The following MTHFS variants were observed in gnomAD, a reference collection of about 807,000 sequenced individuals.
The protein encoded by MTHFS is 5-formyltetrahydrofolate cyclo-ligase.
MTHFS carries 7 observed loss-of-function variants against 12.7 expected under a neutral mutation model. The observed-to-expected ratio is 0.55, with a 90% CI of 0.31 to 1.03. MTHFS has a LOEUF of 1.03. MTHFS is among the 50% of genes least tolerant of loss of function. MTHFS has a pLI of 0.05. For synonymous variants in MTHFS, 100 were observed against 97.1 expected, an observed-to-expected ratio of 1.03 and a Z score of -0.18; for missense variants, 252 against 258.1, an observed-to-expected ratio of 0.98 and a Z score of 0.16.
At chr15:79,850,140 C>T (rs892635150) in intron 2 of MTHFS, among the ~76,000 whole-genome samples, 1 of 152,232 alleles carries the variant, frequency 6.6e-6, no homozygotes, top group Non-Finnish European at 1.5e-5. Context: ...TATCTGTTCA[C>T]AACAATTGTA....
At chr15:79,853,676 A>G (rs557852119) in intron 2 of MTHFS, among the ~76,000 whole-genome samples, 1 of 152,328 alleles carries the variant, frequency 6.6e-6, no homozygotes, top group Middle Eastern at 3.4e-3. Flanking sequence ...GGGTGGGCCT[A>G]GCTCTCTACT....
intron 2 of MTHFS, chr15:79,877,852 T>C (rs1042185011): frequency 2.1e-5 from 3 of 142,430 alleles, no homozygotes; most frequent in Admixed American, 7.0e-5. Flanking sequence ...AAGAATAACA[T>C]TGAACATGCT....
At chr15:79,885,259 A>T (rs1318851145) in intron 2 of MTHFS, among the ~76,000 whole-genome samples, 4 of 152,202 alleles carry the variant, frequency 2.6e-5, no homozygotes, top group African/African-American at 9.7e-5. Flanking sequence ...TTATTTGAGG[A>T]CTAGAAAGTC....
At position 79,882,037 on chromosome 15, in the gene MTHFS, G is replaced by A. The variant is rs79467865; in HGVS notation, c.379+7056C>T. Among the ~76,000 whole-genome samples the A allele has an allele frequency of 3.5e-3, 537 of 152,344 alleles. 2 individuals carry two copies. Among genetic ancestry groups the A allele is most frequent in the African/African-American group, 0.012 (493 of 41,574 alleles). On this transcript the variant is annotated intron_variant, in intron 2 of 2. Transcript: ENST00000258874. ...AAATGCCTACAATGGCATGTGCGAT[G>A]TGCAAAAGCACATTCCAAAATTACA...
At chr15:79,896,275 G>A (rs1442984665) in intron 1 of MTHFS, among the ~76,000 whole-genome samples, 8 of 152,192 alleles carry the variant, frequency 5.3e-5, no homozygotes, top group African/African-American at 1.9e-4. Context: ...CTAGGCCCTG[G>A]AGCTACTGAG....
chr15:79,854,065 G>A (rs971914821), intron 2 of MTHFS, among the ~76,000 whole-genome samples: 4 of 152,092 alleles, frequency 2.6e-5, no homozygotes, highest in Non-Finnish European at 2.9e-5. Context: ...AGTGAAGTGT[G>A]GAAGCTCTTT....
intron 2 of MTHFS, among the ~76,000 whole-genome samples, chr15:79,864,407 T>C (rs1245798246): frequency 1.3e-5 from 2 of 151,594 alleles, no homozygotes; most frequent in African/African-American, 4.9e-5. Context: ...TAGCCAAGTG[T>C]GGTGGTACGC....
chr15:79,847,278 G>A (rs1192235932), intron 2 of MTHFS, among the ~76,000 whole-genome samples: 1 of 152,190 alleles, frequency 6.6e-6, no homozygotes, highest in African/African-American at 2.4e-5. Context: ...AGTAGCAGAA[G>A]ACATGAGTGT....
chr15:79,863,848 C>A (rs2033959252), intron 2 of MTHFS, among the ~76,000 whole-genome samples: 1 of 152,218 alleles, frequency 6.6e-6, no homozygotes, highest in Non-Finnish European at 1.5e-5. Context: ...TCCCAGACTT[C>A]TTTTCCAAGC....
intron 2 of MTHFS, among the ~76,000 whole-genome samples, chr15:79,869,014 GC>G (rs1332639296): frequency 3.9e-5 from 6 of 152,094 alleles, no homozygotes; most frequent in Admixed American, 3.3e-4. Flanking sequence ...AGTGTTGGTA[GC>G]TTATTTGATA....
chr15:79,896,719 T>G (rs923514970), intron 1 of MTHFS, 153 bp downstream of exon 1: 2 of 926,646 alleles, frequency 2.2e-6, no homozygotes, highest in South Asian at 4.4e-5. Flanking sequence ...CTAGGGGGCG[T>G]GCGCGCGCCG....
upstream of MTHFS, chr15:79,897,021 G>T: frequency 6.7e-7 from 1 of 1,491,538 alleles, no homozygotes; most frequent in South Asian, 1.3e-5. Flanking sequence ...TCCCGCCCTC[G>T]GCGCCCTGGG....
rs576984102 is a variant in MTHFS, at chr15:79,857,146, C to A, written c.380-11704G>T. On this transcript the variant is annotated intron_variant, in intron 2 of 2. Coordinates refer to ENST00000258874, the MANE Select transcript of MTHFS (RefSeq NM_006441.4). ...AAGTAGCTGGGATTACAGGCATGCACCACCACGCCCAGCTAATTTTTATAT... is the reference window on the plus strand; with the variant it reads ...AAGTAGCTGGGATTACAGGCATGCAACACCACGCCCAGCTAATTTTTATAT... 8.5e-5 allele frequency among the ~76,000 whole-genome samples: 13 copies of A among 152,154 alleles called. No individual in the cohort carries two copies. The East Asian group carries it at 2.5e-3, about 29-fold the overall frequency.
At chr15:79,865,236 A>G (rs1566991124) in intron 2 of MTHFS, among the ~76,000 whole-genome samples, 1 of 152,228 alleles carries the variant, frequency 6.6e-6, no homozygotes, top group Non-Finnish European at 1.5e-5. Flanking sequence ...TTATTTAAAT[A>G]TAAGTCTTAA....
At chr15:79,854,596 G>T (rs1335022579) in intron 2 of MTHFS, among the ~76,000 whole-genome samples, 1 of 152,190 alleles carries the variant, frequency 6.6e-6, no homozygotes, top group Non-Finnish European at 1.5e-5. Flanking sequence ...CTGGCTTGGA[G>T]ATTTGGGCTT....
intron 2 of MTHFS, among the ~76,000 whole-genome samples, chr15:79,874,388 AACC>A (rs1268808747): frequency 6.6e-6 from 1 of 152,110 alleles, no homozygotes; most frequent in Non-Finnish European, 1.5e-5. Flanking sequence ...TAGCTGTGAC[AACC>A]ACCAACAGCC....
Position 79,844,875 on chromosome 15 carries a change from G to A in MTHFS, c.*335C>T. ...TGAAATACAGTGCCCACTCCCGCAA[G>A]TTTACCTTCCTCTCGCACTCAGTCG... On this transcript the variant is annotated 3_prime_UTR_variant, in exon 3 of 3. Transcript: ENST00000258874. 1 of 306,678 alleles carries A rather than the reference G, an allele frequency of 3.3e-6. No individual in the cohort carries two copies. The highest frequency in any genetic ancestry group is 6.1e-6 in the Non-Finnish European group (1 of 162,702). The allele number at this position is 306,678 out of a possible 1,614,324, so 19.0% of individuals were successfully genotyped here.
intron 1 of MTHFS, among the ~76,000 whole-genome samples, chr15:79,894,626 AAAGACAACGTAG>A (rs1487035400): frequency 6.6e-6 from 1 of 152,128 alleles, no homozygotes; most frequent in Non-Finnish European, 1.5e-5. Flanking sequence ...TTCTACGGAG[AAAGACAACGTAG>A]AAGATTAGAA....
intron 2 of MTHFS, among the ~76,000 whole-genome samples, chr15:79,885,917 T>TA (rs2034374755): frequency 1.3e-5 from 2 of 152,222 alleles, no homozygotes; most frequent in South Asian, 2.1e-4. Flanking sequence ...TCTGGGCCAA[T>TA]AAAATCTCAT....
Sources: gnomAD v4.1 joint callset for allele counts (sites outside exome capture counted in the v4.1 genomes callset) on GRCh38, gnomAD v4.1.1 for gene constraint, MANE v1.5 for transcripts, NCBI Gene and HGNC (gene_info 2026-07-23, HGNC 2026-07-21) for gene names.